NAV1: variants seen among roughly 807,000 people sequenced by gnomAD.
The protein encoded by NAV1 is neuron navigator 1.
In NAV1, 18 loss-of-function variants were observed where a neutral mutation model predicts 175.2. The observed-to-expected ratio is 0.10, with a 90% CI of 0.07 to 0.15. NAV1 has a LOEUF of 0.15. Ranked by LOEUF, NAV1 falls within the 10% of genes least tolerant of loss-of-function variation. The pLI is 1.00. For missense variants in NAV1, 1,731 were observed against 2,436.6 expected, an observed-to-expected ratio of 0.71 and a Z score of 6.10; for synonymous variants, 897 against 978.7, an observed-to-expected ratio of 0.92 and a Z score of 1.56.
At chr1:201,713,625 T>C (rs928547795) in intron 2 of NAV1, among the ~76,000 whole-genome samples, 5 of 152,214 alleles carry the variant, frequency 3.3e-5, no homozygotes, top group Non-Finnish European at 5.9e-5. Flanking sequence ...GATGAGCTCA[T>C]GCTGTCAGCT....
At chr1:201,771,005 C>T (rs1571475283) in intron 3 of NAV1, among the ~76,000 whole-genome samples, 1 of 152,146 alleles carries the variant, frequency 6.6e-6, no homozygotes, top group Non-Finnish European at 1.5e-5. Context: ...ATTGAATGCA[C>T]AGAAGTGGCT....
intron 3 of NAV1, among the ~76,000 whole-genome samples, chr1:201,759,025 C>T (rs948735880): frequency 6.6e-6 from 1 of 152,168 alleles, no homozygotes; most frequent in African/African-American, 2.4e-5. Flanking sequence ...TGAGGTTATA[C>T]ATGTATGTTA....
At chr1:201,613,602 C>T (rs1338848332) in intron 2 of NAV1, among the ~76,000 whole-genome samples, 1 of 152,204 alleles carries the variant, frequency 6.6e-6, no homozygotes, top group Admixed American at 6.5e-5. Context: ...GTGGCTCATG[C>T]CTGTAATCCC....
chr1:201,786,307 C>T, intron 8 of NAV1, 122 bp from the exon 13 acceptor site: 2 of 1,070,708 alleles, frequency 1.9e-6, no homozygotes, highest in Non-Finnish European at 1.4e-6. Context: ...ACCACTCCCT[C>T]TTTTCCATGT....
intron 1 of NAV1, among the ~76,000 whole-genome samples, chr1:201,588,089 C>G (rs1207126827): frequency 6.6e-6 from 1 of 152,046 alleles, no homozygotes; most frequent in Non-Finnish European, 1.5e-5. Context: ...GAGATATACT[C>G]AAGAGAGTTG....
chr1:201,786,322 C>A, intron 8 of NAV1, 107 bp from the exon 13 acceptor site: 1 of 1,182,260 alleles, frequency 8.5e-7, no homozygotes, highest in Non-Finnish European at 1.2e-6. Context: ...CCATGTCCTG[C>A]TTTCAGAATC....
intron 1 of NAV1, among the ~76,000 whole-genome samples, chr1:201,700,244 T>A (rs141592345): frequency 0.019 from 2,872 of 152,050 alleles, 93 homozygotes; most frequent in African/African-American, 0.066. Context: ...TTTACAAGAA[T>A]AAACAAACAA....
upstream of NAV1, among the ~76,000 whole-genome samples, chr1:201,647,258 G>A (rs1384550064): frequency 6.6e-6 from 1 of 152,148 alleles, no homozygotes; most frequent in Admixed American, 6.5e-5. Context: ...TACTCCATCT[G>A]GCTCTTGTTC....
chr1:201,784,746 T>TTTTG (rs769991276), intron 7 of NAV1, among the ~76,000 whole-genome samples: 2 of 151,612 alleles, frequency 1.3e-5, no homozygotes, highest in African/African-American at 2.4e-5. Flanking sequence ...TTAATTTCTT[T>TTTTG]TTTGTTTGTT....
rs1676901116 is a variant in NAV1, at chr1:201,788,357, C to T, written c.2996-111C>T. The T allele has an allele frequency of 4.4e-6, 5 of 1,125,780 alleles. No homozygotes were observed. Among genetic ancestry groups the T allele is most frequent in the Non-Finnish European group, 3.9e-6 (3 of 759,588 alleles). The allele number at this position is 1,125,780 out of a possible 1,614,324, so 69.7% of individuals were successfully genotyped here. ...TCCTCTCCTGCCCTCTCCCCATTTG[C>T]CTCTCATGCTCCCGGTGCTCCATCC... On this transcript the variant is annotated intron_variant, in intron 9 of 29. Coordinates refer to ENST00000367296, the Ensembl canonical transcript of NAV1. The surrounding 1 kb of genome is among the most constrained non-coding windows in gnomAD (Gnocchi z 5.7).
At chr1:201,618,401 G>C (rs1172157613), upstream of NAV1, among the ~76,000 whole-genome samples, 4 of 152,194 alleles carry the variant, frequency 2.6e-5, no homozygotes, top group African/African-American at 9.7e-5. Context: ...TAGATCTCCA[G>C]CATGTTGGGA....
chr1:201,714,175 T>C (rs971532299), intron 2 of NAV1, among the ~76,000 whole-genome samples: 2 of 152,188 alleles, frequency 1.3e-5, no homozygotes, highest in Admixed American at 1.3e-4. Context: ...CCTCCCAAAG[T>C]GCTGGGATTA....
intron 1 of NAV1, among the ~76,000 whole-genome samples, chr1:201,685,003 G>A (rs1476925143): frequency 2.7e-5 from 4 of 148,026 alleles, no homozygotes; most frequent in African/African-American, 7.5e-5. Flanking sequence ...CTGGCCGGGC[G>A]CGGTGGCTTA....
chr1:201,780,237 C>T (rs1229280314), intron 3 of NAV1, among the ~76,000 whole-genome samples, 184 bp from the exon 8 acceptor site: 1 of 152,124 alleles, frequency 6.6e-6, no homozygotes, highest in Non-Finnish European at 1.5e-5. Flanking sequence ...AAGAACATCA[C>T]CAAATTACAA....
At chr1:201,698,030 A>AGC (rs1671260247) in intron 1 of NAV1, among the ~76,000 whole-genome samples, 1 of 152,200 alleles carries the variant, frequency 6.6e-6, no homozygotes, top group South Asian at 2.1e-4. Context: ...ACAGTGGTAA[A>AGC]GCTGGGATTT....
chr1:201,790,698 A>G (rs1417418181), exon 13 of NAV1: 1 of 1,614,058 alleles, frequency 6.2e-7, no homozygotes. Flanking sequence ...GCAAATCCGG[A>G]AGCTTCGTAG....
intron 17 of NAV1, among the ~76,000 whole-genome samples, chr1:201,805,987 CTCT>C (rs1191122544): frequency 8.5e-6 from 1 of 117,392 alleles, no homozygotes; most frequent in Non-Finnish European, 1.8e-5. Context: ...CTCTCTCTCT[CTCT>C]TTTTTTTTTT....
chr1:201,719,128 C>G (rs1672263579), intron 3 of NAV1, among the ~76,000 whole-genome samples: 1 of 149,464 alleles, frequency 6.7e-6, no homozygotes, highest in African/African-American at 2.5e-5. Context: ...TGTGTAGACC[C>G]TGGACAACTA....
intron 1 of NAV1, among the ~76,000 whole-genome samples, chr1:201,624,145 T>C (rs893185513): frequency 1.3e-5 from 2 of 152,170 alleles, no homozygotes; most frequent in Non-Finnish European, 2.9e-5. Context: ...TATAGTGCCT[T>C]GTGCATATCT....
Sources: gnomAD v4.1 joint callset for allele counts (sites outside exome capture counted in the v4.1 genomes callset) on GRCh38, gnomAD v4.1.1 for gene constraint, Gnocchi (gnomAD v3.1) non-coding constraint, MANE v1.5 for transcripts, NCBI Gene and HGNC (gene_info 2026-07-23, HGNC 2026-07-21) for gene names.